STPG2: variants seen among roughly 807,000 people sequenced by gnomAD.
The protein encoded by STPG2 is sperm-tail PG-rich repeat-containing protein 2.
Under a neutral mutation model 54.2 loss-of-function variants are expected in STPG2, and 56 were observed. The observed-to-expected ratio is 1.03, with a 90% CI of 0.83 to 1.29. The LOEUF (loss-of-function observed/expected upper bound fraction) is 1.29, where lower values mean the gene tolerates loss of function less well. STPG2 is among the 50% of genes most tolerant of loss of function. STPG2 has a pLI of 0.00. For synonymous variants in STPG2, 200 were observed against 181.8 expected, an observed-to-expected ratio of 1.10 and a Z score of -0.81; for missense variants, 596 against 544.9, an observed-to-expected ratio of 1.09 and a Z score of -0.93.
intron 5 of STPG2, among the ~76,000 whole-genome samples, chr4:98,072,086 C>T (rs1294645416): frequency 2.6e-5 from 4 of 152,124 alleles, no homozygotes; most frequent in Admixed American, 6.5e-5. Context: ...GTAAATCATT[C>T]TATTACAAAG....
chr4:97,711,700 C>T (rs1724127830), intron 10 of STPG2, among the ~76,000 whole-genome samples: 1 of 140,048 alleles, frequency 7.1e-6, no homozygotes, highest in African/African-American at 2.7e-5. Context: ...GAAGGAGTCT[C>T]GCTCTGTCAC....
At chr4:98,039,610 C>T (rs1034988374) in intron 5 of STPG2, among the ~76,000 whole-genome samples, 15 of 151,018 alleles carry the variant, frequency 9.9e-5, no homozygotes, top group Non-Finnish European at 2.1e-4. Flanking sequence ...ACTAAAAGCC[C>T]AATATTTACC....
chr4:97,961,337 T>A (rs951622670), intron 7 of STPG2, among the ~76,000 whole-genome samples: 2 of 151,824 alleles, frequency 1.3e-5, no homozygotes, highest in African/African-American at 4.8e-5. Flanking sequence ...GCAAATGCAA[T>A]AAAAGCAAAG....
intron 8 of STPG2, among the ~76,000 whole-genome samples, chr4:97,930,235 G>A (rs563562720): frequency 2.5e-4 from 38 of 152,230 alleles, no homozygotes; most frequent in African/African-American, 9.2e-4. Flanking sequence ...TGGTGTCTTT[G>A]TCATGAAATC....
chr4:97,782,692 C>T (rs916575859), intron 9 of STPG2, among the ~76,000 whole-genome samples: 1 of 152,090 alleles, frequency 6.6e-6, no homozygotes, highest in Non-Finnish European at 1.5e-5. Context: ...CTACAAGCCT[C>T]CAGTAACCAA....
rs746148026 is a variant in STPG2 at position 97,981,278 on chromosome 4, G to A, written c.653C>T (p.Thr218Ile). The change falls in exon 6 of 11, where the codon ACA (threonine) becomes ATA (isoleucine). Residue 218 changes from threonine (T) to isoleucine (I), a missense_variant. By Grantham distance (89) the Thr-to-Ile change is moderately conservative. Transcript: ENST00000295268. ...GAGAGCAGTTCGAGGTTCATTATAT[G>A]TGCCAGGAGCCGGGGTGATTGATTT... ...PMKSITPAPG[T>I]YNEPRTALKS... 3 of 1,614,018 alleles carry A rather than the reference G, an allele frequency of 1.9e-6. No homozygotes were observed. Among genetic ancestry groups the A allele is most frequent in the Admixed American group, 1.7e-5 (1 of 60,014 alleles).
intron 7 of STPG2, among the ~76,000 whole-genome samples, chr4:97,970,377 G>A (rs1349785966): frequency 6.6e-6 from 1 of 152,136 alleles, no homozygotes; most frequent in Admixed American, 6.5e-5. Flanking sequence ...AAAGAATAAA[G>A]CTGGAGGCAT....
At chr4:97,529,430 G>A (rs939437501) in intron 4 of STPG2, among the ~76,000 whole-genome samples, 3 of 152,120 alleles carry the variant, frequency 2.0e-5, no homozygotes, top group Admixed American at 6.6e-5. Context: ...CAGGAATATT[G>A]GCCTGAAATT....
intron 10 of STPG2, among the ~76,000 whole-genome samples, chr4:97,565,484 C>A (rs1394204057): frequency 6.6e-6 from 1 of 152,190 alleles, no homozygotes; most frequent in East Asian, 1.9e-4. Flanking sequence ...TGAGGAGCTG[C>A]GTTCCTTTGT....
chr4:97,849,009 TA>T (rs1729061349), intron 8 of STPG2, among the ~76,000 whole-genome samples: 1 of 150,914 alleles, frequency 6.6e-6, no homozygotes, highest in Non-Finnish European at 1.5e-5. Context: ...ATATGAACTT[TA>T]AAGTAGTTTT....
intron 4 of STPG2, among the ~76,000 whole-genome samples, chr4:97,527,599 A>C (rs1388114675): frequency 6.6e-6 from 1 of 152,126 alleles, no homozygotes; most frequent in Non-Finnish European, 1.5e-5. Flanking sequence ...GGTTGAACTA[A>C]TTTACATTCC....
At chr4:97,963,670 A>T (rs1244443215) in intron 7 of STPG2, among the ~76,000 whole-genome samples, 1 of 151,422 alleles carries the variant, frequency 6.6e-6, no homozygotes. Flanking sequence ...TATATATATA[A>T]ATACATATAT....
chr4:98,139,229 T>C (rs1740214564), intron 1 of STPG2, among the ~76,000 whole-genome samples: 1 of 152,062 alleles, frequency 6.6e-6, no homozygotes, highest in African/African-American at 2.4e-5. Context: ...GCCACGGAAA[T>C]CGAGTTTCAA....
chr4:97,785,706 C>A (rs529252772), intron 9 of STPG2, among the ~76,000 whole-genome samples: 2 of 151,972 alleles, frequency 1.3e-5, no homozygotes, highest in Non-Finnish European at 2.9e-5. Context: ...ACAAAAATAT[C>A]TTCGTTCCCA....
downstream of STPG2, chr4:97,558,852 C>G: frequency 1.9e-6 from 1 of 526,780 alleles, no homozygotes; most frequent in Non-Finnish European, 3.4e-6. Context: ...ATAAATAATA[C>G]AATATGACTT....
At chr4:97,958,643 A>G (rs1733776683) in intron 7 of STPG2, among the ~76,000 whole-genome samples, 1 of 152,180 alleles carries the variant, frequency 6.6e-6, no homozygotes, top group African/African-American at 2.4e-5. Context: ...TTAAAAAGAC[A>G]AAGAAGGCCT....
chr4:97,760,554 C>A (rs165240), intron 9 of STPG2, among the ~76,000 whole-genome samples: 1 of 151,880 alleles, frequency 6.6e-6, no homozygotes, highest in Non-Finnish European at 1.5e-5. Context: ...TCCATCCAAC[C>A]CTACAAGTCA....
chr4:97,642,801 T>C (rs1205643600), intron 10 of STPG2, among the ~76,000 whole-genome samples: 1 of 151,504 alleles, frequency 6.6e-6, no homozygotes, highest in African/African-American at 2.4e-5. Flanking sequence ...TAACTTTTCT[T>C]ACACGTTTAT....
rs188612421 is a variant in STPG2 at position 97,694,079 on chromosome 4, A to G, written c.1320+18620T>C. Among the ~76,000 whole-genome samples, 4 of 152,318 alleles carry G rather than the reference A, an allele frequency of 2.6e-5. No individual in the cohort carries two copies. In the East Asian group the frequency reaches 7.7e-4, roughly 29 times the overall value. Reference sequence around the variant, plus strand: ...AAAAAGTCTTAAAGAGCACAAATAGACAATCTAAGGTCACACCTCAAGGAA... The same window carrying G: ...AAAAAGTCTTAAAGAGCACAAATAGGCAATCTAAGGTCACACCTCAAGGAA... On this transcript the variant is annotated intron_variant, in intron 10 of 10. Transcript: ENST00000295268.
Sources: gnomAD v4.1 joint callset for allele counts (sites outside exome capture counted in the v4.1 genomes callset) on GRCh38, gnomAD v4.1.1 for gene constraint, MANE v1.5 for transcripts, NCBI Gene and HGNC (gene_info 2026-07-23, HGNC 2026-07-21) for gene names.